The following MIPOL1 variants were observed in gnomAD, a reference collection of about 807,000 sequenced individuals.
The protein encoded by MIPOL1 is mirror-image polydactyly gene 1 protein.
In MIPOL1, 57 loss-of-function variants were observed where a neutral mutation model predicts 60.9. The ratio of observed to expected loss-of-function variants is 0.94; its 90% CI spans 0.76 to 1.17. The LOEUF (loss-of-function observed/expected upper bound fraction) is 1.17. Ranked by LOEUF, MIPOL1 falls within the 50% of genes most tolerant of loss-of-function variation. The pLI is 0.00. For missense variants in MIPOL1, 551 were observed against 511.6 expected (o/e 1.08, Z -0.74); for synonymous variants, 179 against 168.8 (o/e 1.06, Z -0.47).
At chr14:37,414,385 G>A (rs35310650) in intron 10 of MIPOL1, among the ~76,000 whole-genome samples, 30,907 of 151,978 alleles carry the variant, frequency 0.2, 3,698 homozygotes, top group South Asian at 0.35. Flanking sequence ...TTCAATTGTG[G>A]GTGAAGTGAC....
intron 12 of MIPOL1, among the ~76,000 whole-genome samples, chr14:37,544,046 A>G (rs1038898832): frequency 3.3e-5 from 5 of 152,220 alleles, no homozygotes; most frequent in African/African-American, 9.7e-5. Flanking sequence ...GGCCAATTGT[A>G]TAAGCAAGAG....
chr14:37,519,898 C>T (rs1177823447), intron 12 of MIPOL1, among the ~76,000 whole-genome samples: 1 of 152,006 alleles, frequency 6.6e-6, no homozygotes, highest in East Asian at 1.9e-4. Context: ...TAAACCTTAC[C>T]ACTGTCTAAA....
intron 10 of MIPOL1, among the ~76,000 whole-genome samples, chr14:37,392,563 A>C (rs890004880): frequency 6.6e-6 from 1 of 152,118 alleles, no homozygotes; most frequent in Non-Finnish European, 1.5e-5. Flanking sequence ...AGGTATATTA[A>C]ATAATAGTGA....
chr14:37,500,721 G>A (rs1291175951), intron 12 of MIPOL1, among the ~76,000 whole-genome samples: 5 of 152,128 alleles, frequency 3.3e-5, no homozygotes, highest in South Asian at 4.1e-4. Flanking sequence ...CTAGCAAAAT[G>A]TTAACAAACA....
intron 7 of MIPOL1, among the ~76,000 whole-genome samples, chr14:37,299,305 G>A (rs1427230725): frequency 6.6e-6 from 1 of 151,866 alleles, no homozygotes; most frequent in Non-Finnish European, 1.5e-5. Flanking sequence ...AGGGAGAGGG[G>A]GGCGGGATAG....
chr14:37,349,648 T>C (rs2091205143), intron 9 of MIPOL1, among the ~76,000 whole-genome samples: 1 of 152,208 alleles, frequency 6.6e-6, no homozygotes, highest in Admixed American at 6.5e-5. Context: ...AATTATGTCT[T>C]TTCTATGTGA....
chr14:37,324,474 C>A (rs1033169367), intron 9 of MIPOL1, among the ~76,000 whole-genome samples: 1 of 151,926 alleles, frequency 6.6e-6, no homozygotes, highest in East Asian at 1.9e-4. Context: ...GGATGAAGTC[C>A]GTTGTCAGAT....
At position 37,549,682 on chromosome 14, in the gene MIPOL1, A is replaced by C. The variant is rs893027465; in HGVS notation, c.*2711A>C. ...ACATACTACATACAAATTCCCTAAT[A>C]ATCAAAAGATTGTACACATTTTTTT... On this transcript the variant is annotated 3_prime_UTR_variant, in exon 13 of 13. Transcript: ENST00000684589. 1 of 151,948 alleles carries C rather than the reference A, an allele frequency of 6.6e-6. No individual in the cohort carries two copies. Among genetic ancestry groups the C allele is most frequent in the Non-Finnish European group, 1.5e-5 (1 of 67,824 alleles). The allele number at this position is 151,948 out of a possible 1,614,324, so 9.4% of individuals were successfully genotyped here. A position where few individuals can be genotyped will look rare whatever the true frequency, so the allele number is the denominator to read the frequency against.
intron 10 of MIPOL1, among the ~76,000 whole-genome samples, chr14:37,387,340 T>G (rs2093102049): frequency 6.6e-6 from 1 of 151,932 alleles, no homozygotes; most frequent in Admixed American, 6.6e-5. Flanking sequence ...TGTATGTAGT[T>G]TAACATGGAT....
intron 1 of MIPOL1, among the ~76,000 whole-genome samples, chr14:37,202,240 A>T (rs116005708): frequency 0.016 from 2,374 of 152,180 alleles, 53 homozygotes; most frequent in African/African-American, 0.054. Context: ...TCCTTCTTTG[A>T]TATGTATAAT....
intron 10 of MIPOL1, among the ~76,000 whole-genome samples, chr14:37,384,081 C>G (rs1476109066): frequency 6.6e-6 from 1 of 151,852 alleles, no homozygotes; most frequent in Non-Finnish European, 1.5e-5. Context: ...CCATAGATAA[C>G]ATGCATATTT....
rs527498752 is a variant in MIPOL1 at position 37,323,688 on chromosome 14, C to T, written c.828+15169C>T. Among the ~76,000 whole-genome samples the T allele has an allele frequency of 4.6e-5, 7 of 152,134 alleles. No homozygotes were observed. The South Asian group carries it at 1.2e-3, about 27-fold the overall frequency. On this transcript the variant is annotated intron_variant, in intron 9 of 12. Coordinates refer to ENST00000684589, the MANE Select transcript of MIPOL1 (RefSeq NM_001388067.1). Reference sequence around the variant, plus strand: ...TGATGACTTTTGACAAATTCATACACCCATGTAACCACATCCTTTTAAAGG... The same window carrying T: ...TGATGACTTTTGACAAATTCATACATCCATGTAACCACATCCTTTTAAAGG...
rs531768658 is a variant in MIPOL1 at position 37,335,750 on chromosome 14, G to GT, written c.828+27238dup. Among the ~76,000 whole-genome samples, 162 of 152,014 alleles carry GT rather than the reference G, an allele frequency of 1.1e-3. 2 individuals carry two copies. Among genetic ancestry groups the GT allele is most frequent in the African/African-American group, 3.0e-3 (123 of 41,500 alleles). On this transcript the variant is annotated intron_variant, in intron 9 of 12. Coordinates refer to ENST00000684589, the MANE Select transcript of MIPOL1 (RefSeq NM_001388067.1). Reference sequence around the variant, plus strand: ...CATTGGAGAAATATCTTCTATTCAAGTTTTTTTGCCCAGTTTTAAGCTGGA... The same window carrying GT: ...CATTGGAGAAATATCTTCTATTCAAGTTTTTTTTGCCCAGTTTTAAGCTGGA...
chr14:37,531,478 A>T (rs951152733), intron 12 of MIPOL1, among the ~76,000 whole-genome samples: 1 of 152,118 alleles, frequency 6.6e-6, no homozygotes, highest in African/African-American at 2.4e-5. Context: ...ATATATTAAT[A>T]TATTACTAGC....
At chr14:37,526,211 T>G (rs1285972994) in intron 12 of MIPOL1, among the ~76,000 whole-genome samples, 2 of 151,294 alleles carry the variant, frequency 1.3e-5, no homozygotes, top group Non-Finnish European at 2.9e-5. Context: ...TTTTTTTTTT[T>G]GGAAATACTG....
rs2095554519 is a variant in MIPOL1 at position 37,548,775 on chromosome 14, T to G, written c.*1804T>G. 1.3e-5 allele frequency: 2 copies of G among 151,984 alleles called. No homozygotes were observed. The highest frequency in any genetic ancestry group is 4.1e-4 in the South Asian group (2 of 4,834). The allele number at this position is 151,984 out of a possible 1,614,324, so 9.4% of individuals were successfully genotyped here. ...AACTTTTCTTGAGTTATTTTGTCTT[T>G]TAGAATACACAAAATATAGTATAAA... On this transcript the variant is annotated 3_prime_UTR_variant, in exon 13 of 13. Transcript: ENST00000684589.
intron 12 of MIPOL1, among the ~76,000 whole-genome samples, chr14:37,514,517 C>G (rs1394261573): frequency 1.3e-5 from 2 of 152,092 alleles, no homozygotes; most frequent in Non-Finnish European, 2.9e-5. Flanking sequence ...TATCGTTTAA[C>G]TTGATACTTT....
At chr14:37,282,550 G>A (rs1415464245) in intron 6 of MIPOL1, among the ~76,000 whole-genome samples, 2 of 151,810 alleles carry the variant, frequency 1.3e-5, no homozygotes, top group East Asian at 3.9e-4. Context: ...GACCAGCCTG[G>A]CCAACACAGT....
At chr14:37,451,005 G>A (rs1456020049) in intron 11 of MIPOL1, among the ~76,000 whole-genome samples, 1 of 152,038 alleles carries the variant, frequency 6.6e-6, no homozygotes, top group African/African-American at 2.4e-5. Flanking sequence ...ATTTAATAAA[G>A]TGGTATTACA....
Sources: gnomAD v4.1 joint callset for allele counts (sites outside exome capture counted in the v4.1 genomes callset) on GRCh38, gnomAD v4.1.1 for gene constraint, MANE v1.5 for transcripts, NCBI Gene and HGNC (gene_info 2026-07-23, HGNC 2026-07-21) for gene names.